The following FAM110A variants were observed in gnomAD, a reference collection of about 807,000 sequenced individuals.
FAM110A encodes the protein protein FAM110A.
In FAM110A, 1 loss-of-function variant was observed where a neutral mutation model predicts 4.0. The observed-to-expected ratio is 0.25, with a 90% confidence interval of 0.09 to 1.20. FAM110A has a LOEUF of 1.20. Ranked by LOEUF, FAM110A falls within the 50% of genes most tolerant of loss-of-function variation. The pLI, the probability that FAM110A is intolerant of heterozygous loss-of-function variation, is 0.50. For missense variants in FAM110A, 436 were observed against 429.2 expected, an observed-to-expected ratio of 1.02 and a Z score of -0.14; for synonymous variants, 217 against 196.8, an observed-to-expected ratio of 1.10 and a Z score of -0.86.
chr20:845,677 A>C lies in FAM110A; in HGVS notation c.873A>C (p.Pro291=), dbSNP rs1600020998. 1 of 1,614,030 alleles carries C rather than the reference A, an allele frequency of 6.2e-7. No individual in the cohort carries two copies. ...GGCTAAGGCAGGCTCGGGAGAGCCC[A>C]GCAGCTGAAGGCTAGGCGCCACTGG... ...LYGLRQARES[P]AAEG Residue 291 remains proline (P), a synonymous_variant, in exon 2 of 2, where the codon CCA becomes CCC. Coordinates refer to ENST00000381941, the MANE Select transcript of FAM110A (RefSeq NM_001042353.3).
intron 1 of FAM110A, among the ~76,000 whole-genome samples, chr20:837,985 C>T (rs1192626351): frequency 1.3e-5 from 2 of 151,782 alleles, no homozygotes; most frequent in African/African-American, 4.8e-5. Context: ...AGAAATTTGG[C>T]AGATACTGCC....
At chr20:835,460 C>T (rs1439417823) in intron 1 of FAM110A, among the ~76,000 whole-genome samples, 1 of 151,970 alleles carries the variant, frequency 6.6e-6, no homozygotes, top group Admixed American at 6.6e-5. Flanking sequence ...CTGCCTCCCC[C>T]TCCCCTTTCT....
In FAM110A at chr20:845,490, C is replaced by G. The variant is rs772097008; in HGVS notation, c.686C>G (p.Ser229Trp). The stretch of plus-strand genomic sequence containing the variant: ...GTGGCCCACCTGGCACGGGCCAGCT[C>G]GGATATCGTGTCCCTGGCAGGGCCC... ...LGVAHLARAS[S>W]DIVSLAGPSA... The change falls in exon 2 of 2, where the codon TCG becomes TGG. Residue 229 changes from serine to tryptophan, a missense_variant. Coordinates refer to ENST00000381941, the MANE Select transcript of FAM110A (RefSeq NM_001042353.3). 5.6e-6 allele frequency: 9 copies of G among 1,612,582 alleles called. No homozygotes were observed. Among genetic ancestry groups the G allele is most frequent in the Non-Finnish European group, 7.6e-6 (9 of 1,179,354 alleles).
In FAM110A at chr20:839,524, C is replaced by T. The variant is rs537603897; in HGVS notation, c.-97-5184C>T. The T allele has an allele frequency of 1.6e-5, 17 of 1,033,292 alleles. No homozygotes were observed. In the South Asian group the frequency reaches 1.6e-4, roughly 10 times the overall value. The allele number at this position is 1,033,292 out of a possible 1,614,324, so 64.0% of individuals were successfully genotyped here. ...TCGGTTGCTGACCCAGCCCCAGCCT[C>T]GGCTTTCTTGTCAGCACCAGGGGGC... On this transcript the variant is annotated intron_variant, in intron 1 of 1. Transcript: ENST00000381941.
chr20:838,854 C>G lies in FAM110A; in HGVS notation c.-98+4903C>G, dbSNP rs536215565. ...TTTTTTTTTGAGACAGAGTCTTGCT[C>G]TGTTGTCCAGGCTGGAGTGCAGTGG... On this transcript the variant is annotated intron_variant, in intron 1 of 1. Coordinates refer to ENST00000381941, the MANE Select transcript of FAM110A (RefSeq NM_001042353.3). Among the ~76,000 whole-genome samples the G allele has an allele frequency of 8.1e-4, 116 of 143,998 alleles. 1 individual carries two copies. The highest frequency in any genetic ancestry group is 2.9e-3 in the African/African-American group (111 of 38,766). The allele number at this position is 143,998 out of a possible 152,430, so 94.5% of individuals were successfully genotyped here. A position where few individuals can be genotyped will look rare whatever the true frequency, so the allele number is the denominator to read the frequency against.
At chr20:839,743 G>C (rs1979775431) in intron 1 of FAM110A, 2 of 1,362,228 alleles carry the variant, frequency 1.5e-6, no homozygotes, top group Non-Finnish European at 2.1e-6. Context: ...TAATCACGGA[G>C]ATACTGGCTA....
Position 840,081 on chromosome 20 carries a change from C to T in FAM110A, c.-97-4627C>T, listed in dbSNP as rs549557921. The T allele has an allele frequency of 2.2e-5, 16 of 712,746 alleles. No homozygotes were observed. Among genetic ancestry groups the T allele is most frequent in the African/African-American group, 1.1e-4 (6 of 56,764 alleles). 44.2% of individuals were successfully genotyped at this position (712,746 alleles called of 1,614,324 possible). On this transcript the variant is annotated intron_variant, in intron 1 of 1. Coordinates refer to ENST00000381941, the MANE Select transcript of FAM110A (RefSeq NM_001042353.3). The surrounding 1 kb of genome is among the most constrained non-coding windows in gnomAD (Gnocchi z 4.4). ...GTTGCTTTGCTGTTACTACTATTAGCGCCTGAAGGAGCCTTCCCTCCCCAT... is the reference window on the plus strand; with the variant it reads ...GTTGCTTTGCTGTTACTACTATTAGTGCCTGAAGGAGCCTTCCCTCCCCAT...
At chr20:843,004 C>T (rs1477573871) in intron 1 of FAM110A, among the ~76,000 whole-genome samples, 4 of 152,136 alleles carry the variant, frequency 2.6e-5, no homozygotes, top group Admixed American at 2.0e-4. Context: ...TACACACACA[C>T]GCCTGCCCTC....
At chr20:836,901 G>A (rs1979602441) in intron 1 of FAM110A, among the ~76,000 whole-genome samples, 1 of 151,820 alleles carries the variant, frequency 6.6e-6, no homozygotes, top group African/African-American at 2.4e-5. Context: ...TTTTGGTAAT[G>A]GCCATCTTCA....
rs966349661 is a variant in FAM110A, at chr20:836,379, G to A, written c.-98+2428G>A. Among the ~76,000 whole-genome samples, 8 of 152,232 alleles carry A rather than the reference G, an allele frequency of 5.3e-5. No homozygotes were observed. The East Asian group carries it at 1.5e-3, about 29-fold the overall frequency. ...CCCATTGCCTCTCCCCCCAGTGCCT[G>A]GCAATCACCATTCTACTTTCTGTTT... On this transcript the variant is annotated intron_variant, in intron 1 of 1. Transcript: ENST00000381941.
chr20:835,699 T>C (rs1979542637), intron 1 of FAM110A, among the ~76,000 whole-genome samples: 1 of 152,232 alleles, frequency 6.6e-6, no homozygotes, highest in African/African-American at 2.4e-5. Flanking sequence ...GGCTGACTCC[T>C]GGGCAGGCCA....
intron 1 of FAM110A, among the ~76,000 whole-genome samples, chr20:843,966 C>T (rs1330566816): frequency 2.6e-5 from 4 of 152,244 alleles, no homozygotes; most frequent in Non-Finnish European, 5.9e-5. Context: ...TGTGGATCAC[C>T]GTGGGCCATC....
rs368494054 is a variant in FAM110A at position 839,915 on chromosome 20, C to G, written c.-97-4793C>G. 10 of 1,585,018 alleles carry G rather than the reference C, an allele frequency of 6.3e-6. No homozygotes were observed. In the African/African-American group the frequency reaches 9.4e-5, roughly 15 times the overall value. ...GCATGTGGACATCCTTCTTGGCCAC[C>G]ATGACTCCCTCCTTAAAAAGGAGTT... On this transcript the variant is annotated intron_variant, in intron 1 of 1. Transcript: ENST00000381941.
chr20:844,711 T>C lies in FAM110A; in HGVS notation c.-94T>C. 1 of 1,324,830 alleles carries C rather than the reference T, an allele frequency of 7.5e-7. No individual in the cohort carries two copies. Among genetic ancestry groups the C allele is most frequent in the Non-Finnish European group, 9.6e-7 (1 of 1,039,384 alleles). The allele number at this position is 1,324,830 out of a possible 1,614,324, so 82.1% of individuals were successfully genotyped here. On this transcript the variant is annotated 5_prime_UTR_variant, in exon 2 of 2. Coordinates refer to ENST00000381941, the MANE Select transcript of FAM110A (RefSeq NM_001042353.3). ...TTTTCTCTCTCCTTCCCTGCAGCAG[T>C]GGCCGGTGTCCAGCTGCCTACTTTC...
chr20:842,326 G>T (rs1979974207), intron 1 of FAM110A, among the ~76,000 whole-genome samples: 1 of 152,162 alleles, frequency 6.6e-6, no homozygotes. Context: ...GATCGGGGTC[G>T]TGCACGGGGT....
chr20:845,136 T>G lies in FAM110A; in HGVS notation c.332T>G (p.Ile111Ser), dbSNP rs1309779436. Residue 111 changes from isoleucine (I) to serine (S), a missense_variant, in exon 2 of 2, where the codon ATC (isoleucine) becomes AGC (serine). Physicochemically the swap from Ile to Ser is moderately radical, Grantham distance 142 (BLOSUM62 -2). Transcript: ENST00000381941. Reference sequence around the variant, plus strand: ...GACCTGGACATCCTCAGCAGCCTCATCGACTTGTGTGACAGCCCCGTGTCC... The same window carrying G: ...GACCTGGACATCCTCAGCAGCCTCAGCGACTTGTGTGACAGCCCCGTGTCC... Reference protein sequence around the residue: ...QLDLDILSSLIDLCDSPVSPA... With the variant: ...QLDLDILSSLSDLCDSPVSPA... 6.3e-7 allele frequency: 1 copy of G among 1,581,810 alleles called. No homozygotes were observed. The highest frequency in any genetic ancestry group is 1.3e-5 in the African/African-American group (1 of 74,084).
In FAM110A at chr20:844,935, A is replaced by C; in HGVS notation, c.131A>C (p.Glu44Ala). The stretch of plus-strand genomic sequence containing the variant: ...GGAGCCCGGAAACCGAGCGCTGTGG[A>C]GCGCCTGGAGGCCGACAAGGCCAAG... ...DGGARKPSAV[E>A]RLEADKAKYV... The change falls in exon 2 of 2, where the codon GAG (glutamate) becomes GCG (alanine). Residue 44 changes from glutamate to alanine, a missense_variant. Physicochemically the swap from Glu to Ala is moderately radical, Grantham distance 107 (BLOSUM62 -1). Coordinates refer to ENST00000381941, the MANE Select transcript of FAM110A (RefSeq NM_001042353.3). The C allele has an allele frequency of 6.3e-7, 1 of 1,583,590 alleles. No individual in the cohort carries two copies. Among genetic ancestry groups the C allele is most frequent in the Non-Finnish European group, 8.6e-7 (1 of 1,165,902 alleles).
Position 835,200 on chromosome 20 carries a change from C to CTCTATA in FAM110A, c.-98+1250_-98+1251insCTATAT, listed in dbSNP as rs757995617. Among the ~76,000 whole-genome samples, 1,167 of 140,490 alleles carry CTCTATA rather than the reference C, an allele frequency of 8.3e-3. 10 individuals carry two copies. Among genetic ancestry groups the CTCTATA allele is most frequent in the Non-Finnish European group, 0.011 (688 of 65,324 alleles). The allele number at this position is 140,490 out of a possible 152,430, so 92.2% of individuals were successfully genotyped here. On this transcript the variant is annotated intron_variant, in intron 1 of 1. Transcript: ENST00000381941. ...TCTCTCTCTCTCTCTCTCTCTCTCT[C>CTCTATA]TATATATATATATACACACACACAT...
rs1979465113 is a variant in FAM110A at position 834,347 on chromosome 20, A to T, written c.-98+396A>T. Among the ~76,000 whole-genome samples the T allele has an allele frequency of 6.6e-6, 1 of 152,072 alleles. No homozygotes were observed. On this transcript the variant is annotated intron_variant, in intron 1 of 1. Transcript: ENST00000381941. The surrounding 1 kb of genome is among the most constrained non-coding windows in gnomAD (Gnocchi z 5.6). ...CGCAGTCCGGGGTTGGACTCGGCTC[A>T]TTTGGCGCCTTTCTGTCTACGGGGA...
Sources: allele counts gnomAD v4.1 joint callset (sites outside exome capture counted in the v4.1 genomes callset), GRCh38; gene constraint gnomAD v4.1.1; non-coding constraint Gnocchi (gnomAD v3.1); transcripts MANE v1.5; gene names NCBI Gene and HGNC (gene_info 2026-07-23, HGNC 2026-07-21).